ASB7: variants seen among roughly 807,000 people sequenced by gnomAD.
ASB7 encodes the protein ankyrin repeat and SOCS box protein 7.
A neutral mutation model predicts 32.5 loss-of-function variants in ASB7; 4 were observed. The ratio of observed to expected loss-of-function variants is 0.12; its 90% confidence interval spans 0.06 to 0.28. The LOEUF is 0.28. Ranked by LOEUF, ASB7 falls within the 10% of genes least tolerant of loss-of-function variation. The probability of loss-of-function intolerance (pLI) is 1.00; values close to 1 mark genes in which losing one functional copy is unlikely to be tolerated. For missense variants in ASB7, 181 were observed against 407.1 expected (o/e 0.44, Z 4.78); for synonymous variants, 172 against 155.6 (o/e 1.11, Z -0.78).
chr15:100,640,837 C>T (rs925248955), intron 5 of ASB7, among the ~76,000 whole-genome samples: 1 of 152,182 alleles, frequency 6.6e-6, no homozygotes, highest in Non-Finnish European at 1.5e-5. Flanking sequence ...GTAATTTACG[C>T]TAGACCCTTC....
At chr15:100,622,069 C>A (rs1413837122) in intron 4 of ASB7, among the ~76,000 whole-genome samples, 1 of 152,032 alleles carries the variant, frequency 6.6e-6, no homozygotes, top group Admixed American at 6.5e-5. Flanking sequence ...ACCCAAAAAA[C>A]TCTTAGATTG....
chr15:100,611,497 T>TTTTTTTTTTTTTTTTTTTTTTTA (rs2039695381), intron 3 of ASB7, among the ~76,000 whole-genome samples: 1 of 141,536 alleles, frequency 7.1e-6, no homozygotes, highest in Admixed American at 7.3e-5. Flanking sequence ...TTTTTTTTTT[T>TTTTTTTTTTTTTTTTTTTTTTTA]GAGACAGAAT....
At chr15:100,610,871 T>C (rs143753194) in intron 3 of ASB7, among the ~76,000 whole-genome samples, 128 of 152,348 alleles carry the variant, frequency 8.4e-4, no homozygotes, top group African/African-American at 2.9e-3. Flanking sequence ...GTCTAATCTA[T>C]TCCTTCCAGT....
intron 5 of ASB7, chr15:100,645,539 T>TAG (rs1555440117): frequency 5.9e-6 from 4 of 673,092 alleles, no homozygotes; most frequent in Admixed American, 5.5e-5. Context: ...AGCCACATCA[T>TAG]AGAGAGGAGC....
Position 100,649,284 on chromosome 15 carries a change from C to T in ASB7, c.*822C>T, listed in dbSNP as rs1418132450. On this transcript the variant is annotated 3_prime_UTR_variant, in exon 6 of 6. Coordinates refer to ENST00000332783, the MANE Select transcript of ASB7 (RefSeq NM_198243.3). ...TTTATCCATTATTTCACTTGCTGGTCGTCATTTCACAGCCAGCTTTGACAT... is the reference window on the plus strand; with the variant it reads ...TTTATCCATTATTTCACTTGCTGGTTGTCATTTCACAGCCAGCTTTGACAT... 1.3e-5 allele frequency: 2 copies of T among 152,124 alleles called. No homozygotes were observed. The highest frequency in any genetic ancestry group is 1.5e-5 in the Non-Finnish European group (1 of 68,022). The allele number at this position is 152,124 out of a possible 1,614,324, so 9.4% of individuals were successfully genotyped here. A position where few individuals can be genotyped will look rare whatever the true frequency, so the allele number is the denominator to read the frequency against.
In ASB7 at chr15:100,613,665, GCAGGGCTTCATAA is replaced by G. The variant is rs745707514; in HGVS notation, c.211+1241_211+1253del. Among the ~76,000 whole-genome samples, 13 of 152,186 alleles carry G rather than the reference GCAGGGCTTCATAA, an allele frequency of 8.5e-5. 1 individual carries two copies. Among genetic ancestry groups the G allele is most frequent in the Admixed American group, 3.9e-4 (6 of 15,290 alleles). ...AAAGTCAGAACGGTTAAAATTCTAT[GCAGGGCTTCATAA>G]CATTAAGACCAAGATGAGGGCTCAC... is the stretch of plus-strand genomic sequence containing the variant. On this transcript the variant is annotated intron_variant, in intron 4 of 5. Transcript: ENST00000332783.
intron 5 of ASB7, 52 bp from the exon 6 acceptor site, chr15:100,648,271 T>C (rs778003836): frequency 1.0e-4 from 157 of 1,520,542 alleles, no homozygotes; most frequent in Non-Finnish European, 1.4e-4. Flanking sequence ...AAAAGTGCCT[T>C]AAATATTGTG....
chr15:100,615,440 CTCT>C (rs2141390989), intron 4 of ASB7, among the ~76,000 whole-genome samples: 1 of 152,288 alleles, frequency 6.6e-6, no homozygotes, highest in African/African-American at 2.4e-5. Context: ...TATTGATTCA[CTCT>C]TCTTTTCAGC....
At chr15:100,630,241 T>G in intron 5 of ASB7, 199 bp downstream of exon 5, 1 of 1,269,602 alleles carries the variant, frequency 7.9e-7, no homozygotes, top group East Asian at 2.8e-5. Flanking sequence ...CAATTGTGTT[T>G]CTAAATGTAA....
chr15:100,631,961 G>A (rs2039886470), intron 5 of ASB7, among the ~76,000 whole-genome samples: 1 of 152,202 alleles, frequency 6.6e-6, no homozygotes, highest in Non-Finnish European at 1.5e-5. Context: ...TTTCAACCCT[G>A]TATACAACTG....
intron 5 of ASB7, among the ~76,000 whole-genome samples, chr15:100,644,481 G>C (rs2141408214): frequency 6.6e-6 from 1 of 152,298 alleles, no homozygotes; most frequent in Admixed American, 6.5e-5. Context: ...GTTGACCTGA[G>C]TGTGTTTTGC....
intron 2 of ASB7, among the ~76,000 whole-genome samples, chr15:100,606,638 GAATTTCTA>G (rs1250489653): frequency 2.6e-5 from 4 of 152,170 alleles, no homozygotes; most frequent in Non-Finnish European, 5.9e-5. Flanking sequence ...TAATGTACTT[GAATTTCTA>G]AATTAGTAGT....
chr15:100,639,098 G>T, intron 5 of ASB7, among the ~76,000 whole-genome samples: 1 of 152,310 alleles, frequency 6.6e-6, no homozygotes, highest in East Asian at 1.9e-4. Flanking sequence ...TGCTTTGGTG[G>T]TGTGTAACAG....
At chr15:100,634,852 A>AT (rs2039910907) in intron 5 of ASB7, among the ~76,000 whole-genome samples, 1 of 152,164 alleles carries the variant, frequency 6.6e-6, no homozygotes, top group South Asian at 2.1e-4. Flanking sequence ...CCTTGTGCAA[A>AT]TGGTATGGAA....
chr15:100,606,593 G>A (rs1232504550), intron 2 of ASB7, among the ~76,000 whole-genome samples: 1 of 152,180 alleles, frequency 6.6e-6, no homozygotes, highest in African/African-American at 2.4e-5. Context: ...TTAACTAAAT[G>A]AACTTCACTT....
chr15:100,624,177 TAAAG>T (rs1320636751), intron 4 of ASB7, among the ~76,000 whole-genome samples: 5 of 152,030 alleles, frequency 3.3e-5, no homozygotes, highest in Non-Finnish European at 7.4e-5. Flanking sequence ...TAGGAGGAGA[TAAAG>T]AGAGGTTGGT....
Position 100,621,140 on chromosome 15 carries a change from A to G in ASB7, c.212-8297A>G, listed in dbSNP as rs143277944. On this transcript the variant is annotated intron_variant, in intron 4 of 5. Coordinates refer to ENST00000332783, the MANE Select transcript of ASB7 (RefSeq NM_198243.3). ...TACATTTGGAAAGCAGTTTAGCAGTATGTATTGAAGTCTTAAAAACAGTAG... is the reference window on the plus strand; with the variant it reads ...TACATTTGGAAAGCAGTTTAGCAGTGTGTATTGAAGTCTTAAAAACAGTAG... 4.2e-3 allele frequency among the ~76,000 whole-genome samples: 638 copies of G among 152,370 alleles called. 2 individuals are homozygous for G. The highest frequency in any genetic ancestry group is 0.014 in the African/African-American group (573 of 41,590).
At chr15:100,613,124 T>G (rs2039710732) in intron 4 of ASB7, among the ~76,000 whole-genome samples, 1 of 152,256 alleles carries the variant, frequency 6.6e-6, no homozygotes, top group African/African-American at 2.4e-5. Context: ...GGGTTTTTTA[T>G]ATATTTGATC....
intron 4 of ASB7, among the ~76,000 whole-genome samples, chr15:100,624,608 A>G (rs2039821856): frequency 6.6e-6 from 1 of 152,336 alleles, no homozygotes; most frequent in Admixed American, 6.5e-5. Context: ...AAATAGATTA[A>G]TAGCCTTATA....
Sources: gnomAD v4.1 joint callset for allele counts (sites outside exome capture counted in the v4.1 genomes callset) on GRCh38, gnomAD v4.1.1 for gene constraint, MANE v1.5 for transcripts, NCBI Gene and HGNC (gene_info 2026-07-23, HGNC 2026-07-21) for gene names.